SLC4A10: variants seen among roughly 807,000 people sequenced by gnomAD.
The protein encoded by SLC4A10 is sodium-driven chloride bicarbonate exchanger.
In SLC4A10, 42 loss-of-function variants were observed where a neutral mutation model predicts 137.7. The ratio of observed to expected loss-of-function variants is 0.30; its 90% CI spans 0.24 to 0.39. SLC4A10 has a LOEUF of 0.39. Among genes scored for constraint, SLC4A10 ranks in the 10% least tolerant of loss-of-function variants. SLC4A10 has a pLI of 1.00. For synonymous variants in SLC4A10, 474 were observed against 464.1 expected, an observed-to-expected ratio of 1.02 and a Z score of -0.27; for missense variants, 925 against 1,355.0, an observed-to-expected ratio of 0.68 and a Z score of 4.98.
At chr2:161,862,434 G>C (rs1042218851) in intron 5 of SLC4A10, among the ~76,000 whole-genome samples, 3 of 152,088 alleles carry the variant, frequency 2.0e-5, no homozygotes, top group African/African-American at 7.2e-5. Context: ...TAAAATATAA[G>C]TATAAAACCA....
chr2:161,785,515 G>A (rs2053520508), intron 2 of SLC4A10, among the ~76,000 whole-genome samples: 1 of 151,672 alleles, frequency 6.6e-6, no homozygotes, highest in South Asian at 2.1e-4. Flanking sequence ...ACATTAAAAA[G>A]TCATATGATA....
At chr2:161,674,735 T>C (rs1203775306) in intron 1 of SLC4A10, among the ~76,000 whole-genome samples, 1 of 152,220 alleles carries the variant, frequency 6.6e-6, no homozygotes, top group East Asian at 1.9e-4. Flanking sequence ...CTTTTACAAA[T>C]ATACAAATAC....
intron 1 of SLC4A10, among the ~76,000 whole-genome samples, chr2:161,733,812 G>A (rs2047051654): frequency 6.6e-6 from 1 of 152,190 alleles, no homozygotes; most frequent in Non-Finnish European, 1.5e-5. Context: ...CAGGGGTGGA[G>A]CTGCCCAAGA....
intron 1 of SLC4A10, among the ~76,000 whole-genome samples, chr2:161,651,692 C>T (rs187830701): frequency 2.5e-4 from 38 of 152,356 alleles, no homozygotes; most frequent in East Asian, 9.7e-4. Context: ...CAGCCTTGCA[C>T]GGAGCTAGCA....
intron 20 of SLC4A10, 83 bp downstream of exon 20, chr2:161,957,323 A>G: frequency 6.9e-7 from 1 of 1,445,182 alleles, no homozygotes; most frequent in Non-Finnish European, 9.3e-7. Flanking sequence ...TGAGCCATAA[A>G]TTTGCAAATA....
intron 3 of SLC4A10, 119 bp from the exon 4 acceptor site, chr2:161,839,670 G>A: frequency 2.9e-6 from 3 of 1,031,586 alleles, no homozygotes; most frequent in South Asian, 1.6e-5. Flanking sequence ...GGGAGCAGGG[G>A]AGGTGTGAGC....
intron 1 of SLC4A10, among the ~76,000 whole-genome samples, chr2:161,661,355 G>A (rs146254543): frequency 0.021 from 3,248 of 152,280 alleles, 58 homozygotes; most frequent in Non-Finnish European, 0.033. Flanking sequence ...CACGCCTGTA[G>A]TCCCAGCTAC....
chr2:161,655,131 T>C (rs948475803), intron 1 of SLC4A10, among the ~76,000 whole-genome samples: 6 of 152,170 alleles, frequency 3.9e-5, no homozygotes, highest in African/African-American at 1.4e-4. Context: ...ATTTTTTTCA[T>C]GCTATTGTCA....
chr2:161,689,814 T>C (rs943536967), intron 1 of SLC4A10, among the ~76,000 whole-genome samples: 3 of 152,174 alleles, frequency 2.0e-5, no homozygotes, highest in Non-Finnish European at 2.9e-5. Flanking sequence ...GGCAAAATCA[T>C]GAAGCAAAAC....
chr2:161,902,036 T>A, intron 12 of SLC4A10: 1 of 456,492 alleles, frequency 2.2e-6, no homozygotes, highest in Non-Finnish European at 4.4e-6. Flanking sequence ...AGGTCACCAA[T>A]ATCCGGTATC....
At chr2:161,939,796 T>G (rs1182605877) in intron 15 of SLC4A10, among the ~76,000 whole-genome samples, 1 of 152,130 alleles carries the variant, frequency 6.6e-6, no homozygotes, top group Non-Finnish European at 1.5e-5. Flanking sequence ...TGTAAAAATA[T>G]AGATTTTCTA....
intron 2 of SLC4A10, among the ~76,000 whole-genome samples, chr2:161,796,796 C>G (rs569481062): frequency 6.6e-6 from 1 of 152,126 alleles, no homozygotes; most frequent in African/African-American, 2.4e-5. Flanking sequence ...AGCAACTTCT[C>G]GGTTTTTCCA....
At chr2:161,777,224 T>C (rs1414419372) in intron 2 of SLC4A10, among the ~76,000 whole-genome samples, 1 of 151,812 alleles carries the variant, frequency 6.6e-6, no homozygotes, top group East Asian at 1.9e-4. Context: ...TGTTATTGAG[T>C]TGTAGGAGGT....
At chr2:161,700,461 G>A (rs138766282) in intron 1 of SLC4A10, among the ~76,000 whole-genome samples, 6 of 152,118 alleles carry the variant, frequency 3.9e-5, no homozygotes, top group South Asian at 2.1e-4. Context: ...ATCATCCTTC[G>A]TTATGTACTT....
intron 11 of SLC4A10, among the ~76,000 whole-genome samples, chr2:161,898,169 G>A (rs115908299): frequency 1.4e-3 from 212 of 152,194 alleles, no homozygotes; most frequent in Non-Finnish European, 2.5e-3. Flanking sequence ...TATCAGCACT[G>A]TCCAACAGAG....
intron 21 of SLC4A10, among the ~76,000 whole-genome samples, chr2:161,962,367 A>G (rs2105900512): frequency 6.6e-6 from 1 of 152,334 alleles, no homozygotes; most frequent in Admixed American, 6.5e-5. Context: ...CACTTATGCA[A>G]TAACATAGCT....
chr2:161,740,522 T>A (rs1175760393), intron 1 of SLC4A10, among the ~76,000 whole-genome samples: 2 of 152,216 alleles, frequency 1.3e-5, no homozygotes, highest in Admixed American at 1.3e-4. Context: ...CTCTAATTAA[T>A]GTTTGATAGC....
chr2:161,854,257 C>G (rs1441414400), intron 4 of SLC4A10, among the ~76,000 whole-genome samples: 1 of 152,122 alleles, frequency 6.6e-6, no homozygotes, highest in Non-Finnish European at 1.5e-5. Context: ...ACTGGTTTCT[C>G]TTTATCTGTT....
intron 1 of SLC4A10, among the ~76,000 whole-genome samples, chr2:161,631,782 A>G (rs2033604256): frequency 6.6e-6 from 1 of 151,708 alleles, no homozygotes; most frequent in Non-Finnish European, 1.5e-5. Flanking sequence ...TTAAATACCA[A>G]ATTCATGTTG....
Sources: gnomAD v4.1 joint callset for allele counts (sites outside exome capture counted in the v4.1 genomes callset) on GRCh38, gnomAD v4.1.1 for gene constraint, MANE v1.5 for transcripts, NCBI Gene and HGNC (gene_info 2026-07-23, HGNC 2026-07-21) for gene names.